The following ATP7A variants were observed in gnomAD, a reference collection of about 807,000 sequenced individuals.
ATP7A encodes copper-transporting ATPase 1.
ATP7A carries 7 observed loss-of-function variants against 83.5 expected under a neutral mutation model. The ratio of observed to expected loss-of-function variants is 0.08; its 90% CI spans 0.05 to 0.16. ATP7A has a LOEUF of 0.16. Ranked by LOEUF, ATP7A falls within the 10% of genes least tolerant of loss-of-function variation. ATP7A has a pLI of 1.00. For missense variants in ATP7A, 940 were observed against 1,120.8 expected (o/e 0.84, Z 2.30); for synonymous variants, 354 against 395.2 (o/e 0.90, Z 1.24).
At position 77,914,584 on chromosome X, in the gene ATP7A, G is replaced by C. The variant is rs376947638; in HGVS notation, c.-22+3749G>C. Reference sequence around the variant, plus strand: ...TTGGTTAGTTTTTGTATTTTTGGTAGAGAAGGGGTTTTGCCATGTTGGTCA... The same window carrying C: ...TTGGTTAGTTTTTGTATTTTTGGTACAGAAGGGGTTTTGCCATGTTGGTCA... On this transcript the variant is annotated intron_variant, in intron 1 of 22. Transcript: ENST00000341514. Among the ~76,000 whole-genome samples, 287 of 110,799 alleles carry C rather than the reference G, an allele frequency of 2.6e-3. 1 individual carries two copies. Among genetic ancestry groups the C allele is most frequent in the Non-Finnish European group, 3.7e-3 (194 of 52,950 alleles).
intron 1 of ATP7A, among the ~76,000 whole-genome samples, chrX:77,916,354 C>CAAAAAAAAAAA (rs782551060): frequency 6.1e-5 from 2 of 32,527 alleles, no homozygotes; most frequent in Non-Finnish European, 5.8e-5. Context: ...GACCCTGTCT[C>CAAAAAAAAAAA]AAAAAAAAAA....
intron 5 of ATP7A, among the ~76,000 whole-genome samples, chrX:78,000,628 T>C (rs1435332792): frequency 9.3e-6 from 1 of 107,206 alleles, no homozygotes; most frequent in Non-Finnish European, 1.9e-5. Flanking sequence ...ATGTTATATA[T>C]AAATATATAA....
intron 1 of ATP7A, among the ~76,000 whole-genome samples, chrX:77,915,896 T>G (rs1214619291): frequency 9.0e-6 from 1 of 111,648 alleles, no homozygotes; most frequent in African/African-American, 3.2e-5. Context: ...AATTTATTTA[T>G]TTTTAGTAGA....
intron 4 of ATP7A, among the ~76,000 whole-genome samples, chrX:77,990,300 A>G (rs781798598): frequency 5.6e-4 from 63 of 112,423 alleles, no homozygotes; most frequent in Admixed American, 9.5e-4. Context: ...AAAGCTATAT[A>G]TACAATGTGA....
intron 10 of ATP7A, among the ~76,000 whole-genome samples, chrX:78,013,817 T>C (rs1262512523): frequency 2.7e-5 from 3 of 111,605 alleles, no homozygotes; most frequent in African/African-American, 9.8e-5. Flanking sequence ...GTAACAGTTT[T>C]TGCCAGCAGG....
Position 78,039,012 on chromosome X carries a change from C to T in ATP7A, c.3658+30C>T, listed in dbSNP as rs782475611. The T allele has an allele frequency of 5.7e-5, 68 of 1,194,369 alleles. No individual in the cohort carries two copies. The South Asian group carries it at 1.1e-3, about 20-fold the overall frequency. On this transcript the variant is annotated intron_variant, in intron 18 of 22. Transcript: ENST00000341514. ...GGTTTTCCATAAGTATGCTATAACTCAATGTTTTGTTATTGTTTTATTAAT... is the reference window on the plus strand; with the variant it reads ...GGTTTTCCATAAGTATGCTATAACTTAATGTTTTGTTATTGTTTTATTAAT...
intron 4 of ATP7A, among the ~76,000 whole-genome samples, chrX:77,990,494 A>G (rs1159011681): frequency 9.0e-6 from 1 of 111,601 alleles, no homozygotes; most frequent in African/African-American, 3.2e-5. Flanking sequence ...TACAATAAGA[A>G]TGTATGTATG....
chrX:77,981,989 T>C (rs1403593990), intron 2 of ATP7A, among the ~76,000 whole-genome samples: 1 of 111,675 alleles, frequency 9.0e-6, no homozygotes, highest in Non-Finnish European at 1.9e-5. Flanking sequence ...ATATTCTATA[T>C]TGAAGCATCA....
chrX:77,979,858 G>A (rs1237376337), intron 2 of ATP7A, among the ~76,000 whole-genome samples: 2 of 112,472 alleles, frequency 1.8e-5, no homozygotes, highest in African/African-American at 6.5e-5. Context: ...TGTGTCCTAA[G>A]TTATACAGTA....
chrX:77,976,963 A>C (rs907237081), intron 2 of ATP7A, among the ~76,000 whole-genome samples: 2 of 111,241 alleles, frequency 1.8e-5, no homozygotes, highest in Non-Finnish European at 3.8e-5. Context: ...AACATCCCCG[A>C]ACAGGGATAC....
At chrX:78,033,508 A>G (rs781949524) in intron 16 of ATP7A, 97 bp from the exon 17 acceptor site, 1 of 858,868 alleles carries the variant, frequency 1.2e-6, no homozygotes, top group Non-Finnish European at 1.7e-6. Context: ...CAATTTTATT[A>G]TAAACATTTA....
At chrX:77,989,197 A>T in intron 3 of ATP7A, 36 bp from the exon 4 acceptor site, 1 of 1,176,565 alleles carries the variant, frequency 8.5e-7, no homozygotes, top group Non-Finnish European at 1.1e-6. Flanking sequence ...TAGCCCAGGA[A>T]TAACTGAATT....
intron 6 of ATP7A, among the ~76,000 whole-genome samples, chrX:78,004,991 G>T (rs1407279715): frequency 8.9e-6 from 1 of 112,008 alleles, no homozygotes; most frequent in Non-Finnish European, 1.9e-5. Flanking sequence ...TGAGGTGGGA[G>T]GATTGCTTGA....
chrX:78,018,549 A>G (rs1186388318), intron 12 of ATP7A, among the ~76,000 whole-genome samples: 1 of 111,998 alleles, frequency 8.9e-6, no homozygotes, highest in African/African-American at 3.2e-5. Flanking sequence ...ACAGATTTCT[A>G]TGAAGTTCCA....
rs185437080 is a variant in ATP7A at position 77,968,801 on chromosome X, G to A, written c.-21-2820G>A. 1.5e-4 allele frequency: 181 copies of A among 1,175,934 alleles called. No individual in the cohort carries two copies. In the East Asian group the frequency reaches 5.4e-3, roughly 35 times the overall value. ...TACAGATGTGGTCAGTGTGACATGT[G>A]CAGGTGGGAGGGGCAGAGGGACAAG... On this transcript the variant is annotated intron_variant, in intron 1 of 22. Transcript: ENST00000341514.
chrX:77,944,235 G>T (rs782590181), intron 1 of ATP7A, among the ~76,000 whole-genome samples: 2 of 112,310 alleles, frequency 1.8e-5, no homozygotes, highest in East Asian at 2.8e-4. Flanking sequence ...AAATAAAAAA[G>T]TTTGTAAATT....
chrX:77,962,193 G>A lies in ATP7A; in HGVS notation c.-21-9428G>A, dbSNP rs145610582. Among the ~76,000 whole-genome samples the A allele has an allele frequency of 8.2e-3, 920 of 111,696 alleles. 4 individuals carry two copies. The highest frequency in any genetic ancestry group is 0.012 in the Non-Finnish European group (657 of 53,112). ...TTGGCTGCTCTGGTCGGATTCTGCC[G>A]TCCCAGTGAGGCTGGAAAATAGGGT... On this transcript the variant is annotated intron_variant, in intron 1 of 22. Coordinates refer to ENST00000341514, the MANE Select transcript of ATP7A (RefSeq NM_000052.7).
intron 1 of ATP7A, among the ~76,000 whole-genome samples, chrX:77,943,978 A>G (rs1603373892): frequency 8.9e-6 from 1 of 112,367 alleles, no homozygotes. Context: ...GGTACACATC[A>G]TATGTTGATA....
At chrX:78,033,855 G>T in intron 17 of ATP7A, 34 bp downstream of exon 17, 1 of 1,152,262 alleles carries the variant, frequency 8.7e-7, no homozygotes, top group East Asian at 3.0e-5. Context: ...CCAATTATGG[G>T]GCAGTTATGA....
Sources: gnomAD v4.1 joint callset for allele counts (sites outside exome capture counted in the v4.1 genomes callset) on GRCh38, gnomAD v4.1.1 for gene constraint, MANE v1.5 for transcripts, NCBI Gene and HGNC (gene_info 2026-07-23, HGNC 2026-07-21) for gene names.